The following MED15 variants were observed in gnomAD, a reference collection of about 807,000 sequenced individuals.
MED15 encodes the protein mediator complex subunit 15.
A neutral mutation model predicts 118.7 loss-of-function variants in MED15; 41 were observed. That is an observed-to-expected ratio of 0.35 (90% CI 0.27 to 0.45). The LOEUF is 0.45. Ranked by LOEUF, MED15 falls within the 20% of genes least tolerant of loss-of-function variation. The pLI is 1.00. For synonymous variants in MED15, 436 were observed against 413.9 expected (o/e 1.05, Z -0.65); for missense variants, 740 against 1,025.5 (o/e 0.72, Z 3.80).
chr22:20,550,116 T>C (rs2055710744), intron 2 of MED15, among the ~76,000 whole-genome samples: 1 of 152,204 alleles, frequency 6.6e-6, no homozygotes, highest in Non-Finnish European at 1.5e-5. Context: ...CCCTCATACA[T>C]GGCCACCTTG....
In MED15 at chr22:20,586,907, G is replaced by A; in HGVS notation, c.*203G>A. Reference sequence around the variant, plus strand: ...GCGCAGTGGAGCGGGTTGCTTGGGGGGCGTTGGCCGACTTCTTAGAGAAGG... The same window carrying A: ...GCGCAGTGGAGCGGGTTGCTTGGGGAGCGTTGGCCGACTTCTTAGAGAAGG... On this transcript the variant is annotated 3_prime_UTR_variant, in exon 18 of 18. Transcript: ENST00000263205. The A allele has an allele frequency of 1.3e-6, 1 of 758,188 alleles. No homozygotes were observed. The highest frequency in any genetic ancestry group is 2.0e-6 in the Non-Finnish European group (1 of 491,668). 47.0% of individuals were successfully genotyped at this position (758,188 alleles called of 1,614,324 possible).
intron 8 of MED15, chr22:20,573,786 C>CT (rs1160405604): frequency 2.0e-5 from 3 of 152,224 alleles, no homozygotes; most frequent in Non-Finnish European, 4.4e-5. Flanking sequence ...TACTTCCAGG[C>CT]TTTTCTCCCT....
At chr22:20,569,776 A>G (rs1439627273) in intron 8 of MED15, among the ~76,000 whole-genome samples, 2 of 152,018 alleles carry the variant, frequency 1.3e-5, no homozygotes, top group African/African-American at 2.4e-5. Context: ...CAGAACTCAC[A>G]TTTACTTACA....
intron 1 of MED15, among the ~76,000 whole-genome samples, chr22:20,510,240 G>T (rs2054015780): frequency 1.3e-5 from 2 of 152,092 alleles, no homozygotes; most frequent in African/African-American, 4.8e-5. Context: ...CCAAAAATTA[G>T]CTGGGTGTGA....
chr22:20,570,005 G>C (rs1322119623), intron 8 of MED15, among the ~76,000 whole-genome samples: 3 of 152,162 alleles, frequency 2.0e-5, no homozygotes, highest in South Asian at 2.1e-4. Context: ...TCGATCCTCT[G>C]TTCAGGACCT....
Position 20,507,713 on chromosome 22 carries a change from G to A in MED15, c.35G>A (p.Ser12Asn). ...DVSGQETDWR[S>N]TAFRQKLVSQ... ...TCCGGGCAAGAGACCGACTGGCGGA[G>A]CACCGCCTTCCGGCAGAAGCTGGTC... Residue 12 changes from serine to asparagine, a missense_variant, in exon 1 of 18, where the codon AGC (serine) becomes AAC (asparagine). Around this residue, in one of 7 missense-constraint regions of MED15, gnomAD observed 23 missense variants for 20.2 expected, o/e 1.14. Coordinates refer to ENST00000263205, the MANE Select transcript of MED15 (RefSeq NM_001003891.3). 6.2e-7 allele frequency: 1 copy of A among 1,614,072 alleles called. No homozygotes were observed. The highest frequency in any genetic ancestry group is 8.5e-7 in the Non-Finnish European group (1 of 1,179,950).
chr22:20,511,120 TCTTAA>T (rs2054049169), intron 1 of MED15, among the ~76,000 whole-genome samples: 1 of 152,226 alleles, frequency 6.6e-6, no homozygotes, highest in Non-Finnish European at 1.5e-5. Flanking sequence ...TACCTTTAAC[TCTTAA>T]CTTCCTCCCA....
At chr22:20,544,559 C>T (rs533041152) in intron 2 of MED15, among the ~76,000 whole-genome samples, 6 of 152,068 alleles carry the variant, frequency 3.9e-5, no homozygotes, top group Admixed American at 2.0e-4. Context: ...CCCAGCTACT[C>T]GGGAGGCTGA....
chr22:20,542,170 A>G (rs1435720451), intron 2 of MED15, among the ~76,000 whole-genome samples: 2 of 152,232 alleles, frequency 1.3e-5, no homozygotes, highest in East Asian at 1.9e-4. Context: ...CAGTTCATCA[A>G]AAAATTGAAT....
intron 1 of MED15, among the ~76,000 whole-genome samples, chr22:20,520,643 C>A (rs1029716740): frequency 2.0e-5 from 3 of 152,230 alleles, no homozygotes; most frequent in Non-Finnish European, 4.4e-5. Context: ...ACTGTTGATA[C>A]TCCCCAGATC....
chr22:20,527,944 T>C (rs1479215493), intron 1 of MED15, among the ~76,000 whole-genome samples: 1 of 133,452 alleles, frequency 7.5e-6, no homozygotes, highest in Non-Finnish European at 1.5e-5. Context: ...GCGACAGAGC[T>C]AGACTCCGTC....
chr22:20,535,776 G>T (rs1478582372), intron 1 of MED15, among the ~76,000 whole-genome samples: 1 of 151,750 alleles, frequency 6.6e-6, no homozygotes, highest in African/African-American at 2.4e-5. Flanking sequence ...AGCCAGGATG[G>T]TCGTGCTCGC....
chr22:20,583,558 C>T lies in MED15; in HGVS notation c.1736+165C>T, dbSNP rs2057050852. ...CTCTGGTGTGTGCTGGGGCTTCAAG[C>T]CCAGGCTTCATCTTGGCCCATGCCC... On this transcript the variant is annotated intron_variant, in intron 13 of 17. Transcript: ENST00000263205. The T allele has an allele frequency of 3.8e-6, 3 of 782,196 alleles. No individual in the cohort carries two copies. The South Asian group carries it at 5.2e-5, about 14-fold the overall frequency. The allele number at this position is 782,196 out of a possible 1,614,324, so 48.5% of individuals were successfully genotyped here. A position where few individuals can be genotyped will look rare whatever the true frequency, so the allele number is the denominator to read the frequency against.
chr22:20,536,012 G>T (rs2055067550), intron 1 of MED15, among the ~76,000 whole-genome samples: 1 of 151,616 alleles, frequency 6.6e-6, no homozygotes, highest in Non-Finnish European at 1.5e-5. Context: ...TTGTAGCTGA[G>T]ATTACAGGCA....
At chr22:20,515,846 T>A (rs1380271953) in intron 1 of MED15, among the ~76,000 whole-genome samples, 3 of 150,858 alleles carry the variant, frequency 2.0e-5, no homozygotes, top group Admixed American at 6.6e-5. Context: ...CTACTAAAAA[T>A]ACAAAAATTA....
intron 14 of MED15, chr22:20,584,635 CCTT>C (rs773505851): frequency 3.2e-4 from 260 of 817,518 alleles, no homozygotes; most frequent in Admixed American, 8.7e-4. Context: ...GTGGGTGCCT[CCTT>C]CACCCATTTC....
chr22:20,549,538 C>T (rs2055688414), intron 2 of MED15, among the ~76,000 whole-genome samples: 1 of 152,086 alleles, frequency 6.6e-6, no homozygotes. Flanking sequence ...GTTTCAGATC[C>T]AGGGCTTTCT....
chr22:20,556,152 G>C (rs979825372), intron 5 of MED15, among the ~76,000 whole-genome samples: 13 of 152,112 alleles, frequency 8.5e-5, no homozygotes, highest in African/African-American at 3.1e-4. Context: ...GGAGTCACAG[G>C]AAGTTGTGGA....
intron 9 of MED15, among the ~76,000 whole-genome samples, chr22:20,581,708 C>A (rs749874660): frequency 6.6e-6 from 1 of 152,174 alleles, no homozygotes; most frequent in Non-Finnish European, 1.5e-5. Flanking sequence ...TGTGCTCCAC[C>A]CCAGGAAGGT....
Sources: allele counts gnomAD v4.1 joint callset (sites outside exome capture counted in the v4.1 genomes callset), GRCh38; gene constraint gnomAD v4.1.1; regional missense constraint gnomAD v4.1.1; transcripts MANE v1.5; gene names NCBI Gene and HGNC (gene_info 2026-07-23, HGNC 2026-07-21).